The following CHL1 variants were observed in gnomAD, a reference collection of about 807,000 sequenced individuals.
CHL1 encodes the protein cell adhesion molecule L1 like.
CHL1 carries 96 observed loss-of-function variants against 141.9 expected under a neutral mutation model. The observed-to-expected ratio is 0.68, with a 90% CI of 0.57 to 0.80. CHL1 has a LOEUF of 0.80. CHL1 is among the 30% of genes least tolerant of loss of function. CHL1 has a pLI of 0.00. For missense variants in CHL1, 1,820 were observed against 1,457.2 expected, an observed-to-expected ratio of 1.25 and a Z score of -4.05; for synonymous variants, 613 against 502.2, an observed-to-expected ratio of 1.22 and a Z score of -2.95.
At chr3:297,786 T>C (rs1698331350) in intron 2 of CHL1, among the ~76,000 whole-genome samples, 1 of 152,162 alleles carries the variant, frequency 6.6e-6, no homozygotes, top group African/African-American at 2.4e-5. Flanking sequence ...TCTTGCCTCA[T>C]CTCTGCAGTA....
chr3:385,191 T>A (rs540661980), intron 19 of CHL1, among the ~76,000 whole-genome samples: 2 of 152,306 alleles, frequency 1.3e-5, no homozygotes, highest in South Asian at 4.1e-4. Context: ...TTTCATAAAG[T>A]AGATAATATA....
chr3:396,267 T>A (rs1362879354), intron 24 of CHL1, among the ~76,000 whole-genome samples: 2 of 152,180 alleles, frequency 1.3e-5, no homozygotes, highest in Non-Finnish European at 2.9e-5. Flanking sequence ...GTCTGAAGCA[T>A]TGGAACTGAC....
intron 3 of CHL1, among the ~76,000 whole-genome samples, chr3:322,647 T>TATATATATATATATATATATAAA (rs1559252700): frequency 1.8e-4 from 8 of 44,778 alleles, no homozygotes; most frequent in African/African-American, 1.4e-3. Flanking sequence ...ATATATAAAA[T>TATATATATATATATATATATAAA]ATATATATAT....
At chr3:320,218 T>C (rs550078546) in intron 3 of CHL1, among the ~76,000 whole-genome samples, 1 of 152,064 alleles carries the variant, frequency 6.6e-6, no homozygotes. Flanking sequence ...ATTCAGAAAT[T>C]ACTGGCATTC....
chr3:294,862 A>C (rs1559213295), intron 2 of CHL1, among the ~76,000 whole-genome samples: 1 of 152,216 alleles, frequency 6.6e-6, no homozygotes, highest in Non-Finnish European at 1.5e-5. Context: ...GCATAGTTAC[A>C]TGTCATTAAT....
intron 1 of CHL1, among the ~76,000 whole-genome samples, chr3:215,137 T>C (rs1700209925): frequency 6.6e-6 from 1 of 152,048 alleles, no homozygotes; most frequent in Non-Finnish European, 1.5e-5. Context: ...CAGCATTATT[T>C]ACAATAGCCA....
At chr3:272,782 C>A (rs557718170) in intron 2 of CHL1, among the ~76,000 whole-genome samples, 4 of 152,216 alleles carry the variant, frequency 2.6e-5, no homozygotes, top group Non-Finnish European at 5.9e-5. Context: ...ATGGATTCAT[C>A]CTTTTATTCA....
At chr3:218,419 A>C (rs331865) in intron 1 of CHL1, among the ~76,000 whole-genome samples, 147,414 of 152,304 alleles carry the variant, frequency 0.97, 71,444 homozygotes, top group East Asian at 1. Flanking sequence ...TTTTTCCTTA[A>C]TATACTTTTG....
At chr3:319,939 A>G (rs1447020478) in intron 3 of CHL1, 72 bp downstream of exon 3, 2 of 826,438 alleles carry the variant, frequency 2.4e-6, no homozygotes, top group South Asian at 1.5e-5. Context: ...TAGAATACTT[A>G]TGGATTGAGG....
chr3:361,940 G>A lies in CHL1; in HGVS notation c.1418+130G>A, dbSNP rs1704295652. 8 of 621,736 alleles carry A rather than the reference G, an allele frequency of 1.3e-5. No homozygotes were observed. In the East Asian group the frequency reaches 2.2e-4, roughly 17 times the overall value. 38.5% of individuals were successfully genotyped at this position (621,736 alleles called of 1,614,324 possible). On this transcript the variant is annotated intron_variant, in intron 13 of 27. Transcript: ENST00000256509. ...TGTACCCAGTACCTCTGAGACATAA[G>A]GTAACAAACTTACCGGTCCAGGAAA...
At chr3:403,633 A>G (rs897986735) in intron 27 of CHL1, among the ~76,000 whole-genome samples, 1 of 152,176 alleles carries the variant, frequency 6.6e-6, no homozygotes, top group Admixed American at 6.6e-5. Flanking sequence ...GCAAGAAAAC[A>G]AAAACAATGC....
chr3:404,283 G>T (rs1709365137), intron 27 of CHL1, among the ~76,000 whole-genome samples: 1 of 152,090 alleles, frequency 6.6e-6, no homozygotes, highest in East Asian at 1.9e-4. Context: ...GCAAAGAAGT[G>T]CCATCCTGCT....
intron 2 of CHL1, among the ~76,000 whole-genome samples, chr3:303,304 A>C (rs558218217): frequency 9.6e-5 from 13 of 135,300 alleles, no homozygotes; most frequent in Non-Finnish European, 5.1e-5. Context: ...CTTGATGGGG[A>C]TAGCATTGAA....
chr3:211,622 C>G (rs1362337140), intron 1 of CHL1, among the ~76,000 whole-genome samples: 1 of 152,162 alleles, frequency 6.6e-6, no homozygotes, highest in Non-Finnish European at 1.5e-5. Flanking sequence ...ACCTCTGAAG[C>G]ATTATCCCAT....
chr3:366,667 A>G (rs1359398517), intron 15 of CHL1, among the ~76,000 whole-genome samples: 1 of 147,936 alleles, frequency 6.8e-6, no homozygotes, highest in East Asian at 2.0e-4. Flanking sequence ...GAAGAATTGC[A>G]TGGGCTTGGA....
At chr3:217,582 C>G (rs1700436878) in intron 1 of CHL1, 1 of 152,344 alleles carries the variant, frequency 6.6e-6, no homozygotes, top group African/African-American at 2.4e-5. Flanking sequence ...AGCAGAGTTC[C>G]CAGCAGAGGG....
chr3:265,615 G>A (rs1299177256), intron 2 of CHL1, among the ~76,000 whole-genome samples: 1 of 152,154 alleles, frequency 6.6e-6, no homozygotes, highest in Non-Finnish European at 1.5e-5. Context: ...GACTGCACCT[G>A]AAATGTTACT....
At chr3:239,556 A>C (rs1024513258) in intron 1 of CHL1, among the ~76,000 whole-genome samples, 1 of 150,736 alleles carries the variant, frequency 6.6e-6, no homozygotes, top group Non-Finnish European at 1.5e-5. Context: ...TGTAGCTTTA[A>C]TGCATTCATT....
chr3:260,573 G>C (rs181946318), intron 2 of CHL1, among the ~76,000 whole-genome samples: 45 of 152,306 alleles, frequency 3.0e-4, no homozygotes, highest in African/African-American at 9.9e-4. Context: ...CACGACAGCA[G>C]ATTCACACAG....
Sources: allele counts gnomAD v4.1 joint callset (sites outside exome capture counted in the v4.1 genomes callset), GRCh38; gene constraint gnomAD v4.1.1; transcripts MANE v1.5; gene names NCBI Gene and HGNC (gene_info 2026-07-23, HGNC 2026-07-21).